ZC3H12B: variants seen among roughly 807,000 people sequenced by gnomAD.
ZC3H12B encodes probable ribonuclease ZC3H12B.
ZC3H12B carries 7 observed loss-of-function variants against 43.9 expected under a neutral mutation model. The ratio of observed to expected loss-of-function variants is 0.16; its 90% CI spans 0.09 to 0.30. ZC3H12B has a LOEUF of 0.30. ZC3H12B is among the 10% of genes least tolerant of loss of function. The probability of loss-of-function intolerance (pLI) is 1.00; values close to 1 mark genes in which losing one functional copy is unlikely to be tolerated. For synonymous variants in ZC3H12B, 222 were observed against 241.7 expected (o/e 0.92, Z 0.76); for missense variants, 475 against 670.2 (o/e 0.71, Z 3.22).
the ZC3H12B span, among the ~76,000 whole-genome samples, chrX:65,109,772 A>C: frequency 1.8e-5 from 2 of 111,718 alleles, no homozygotes; most frequent in African/African-American, 6.5e-5. Flanking sequence ...AGAAACTGTT[A>C]GACTGTTTTG....
chrX:65,232,731 G>T, the ZC3H12B span, among the ~76,000 whole-genome samples: 1 of 110,900 alleles, frequency 9.0e-6, no homozygotes, highest in Non-Finnish European at 1.9e-5. Flanking sequence ...GTGGTAGTAA[G>T]TCCTTACATA....
chrX:65,144,215 G>A, the ZC3H12B span, among the ~76,000 whole-genome samples: 1 of 110,904 alleles, frequency 9.0e-6, no homozygotes, highest in Non-Finnish European at 1.9e-5. Context: ...GATTCTTCCT[G>A]GTTTAAGCTA....
the ZC3H12B span, among the ~76,000 whole-genome samples, chrX:65,211,077 A>C: frequency 3.5e-5 from 3 of 85,136 alleles, no homozygotes; most frequent in African/African-American, 8.9e-5. Flanking sequence ...TAATAAAAAA[A>C]AAAAAAGAAA....
the ZC3H12B span, among the ~76,000 whole-genome samples, chrX:65,066,250 T>C: frequency 3.6e-5 from 4 of 111,593 alleles, no homozygotes; most frequent in Admixed American, 3.8e-4. Context: ...TTAGCATTTT[T>C]GCACTGGTTT....
At chrX:65,430,590 G>A (rs1274094734) in intron 3 of ZC3H12B, among the ~76,000 whole-genome samples, 4 of 100,673 alleles carry the variant, frequency 4.0e-5, no homozygotes, top group Middle Eastern at 5.0e-3. Flanking sequence ...GAGAACATGC[G>A]GTGTTTGGTT....
At chrX:65,317,758 T>TAC in the ZC3H12B span, among the ~76,000 whole-genome samples, 6 of 102,858 alleles carry the variant, frequency 5.8e-5, no homozygotes, top group East Asian at 9.1e-4. Flanking sequence ...TGTGTGTGTA[T>TAC]ACACACACAC....
the ZC3H12B span, among the ~76,000 whole-genome samples, chrX:65,138,722 C>CT: frequency 9.0e-5 from 10 of 111,198 alleles, no homozygotes; most frequent in South Asian, 1.5e-3. Flanking sequence ...CAAAGATTTC[C>CT]TTTTTTTTCT....
At chrX:65,182,751 AG>A in the ZC3H12B span, among the ~76,000 whole-genome samples, 2 of 111,497 alleles carry the variant, frequency 1.8e-5, no homozygotes, top group Admixed American at 1.9e-4. Flanking sequence ...CCTATTTAAA[AG>A]TTTGCAAATG....
the ZC3H12B span, among the ~76,000 whole-genome samples, chrX:65,215,695 A>G: frequency 2.7e-5 from 3 of 111,233 alleles, no homozygotes; most frequent in African/African-American, 9.8e-5. Flanking sequence ...ATTTATTTCA[A>G]TGTCTTTTGT....
At chrX:65,452,623 C>T (rs1209009832) in intron 3 of ZC3H12B, among the ~76,000 whole-genome samples, 3 of 111,443 alleles carry the variant, frequency 2.7e-5, no homozygotes, top group Non-Finnish European at 5.7e-5. Flanking sequence ...GGTGGATCAA[C>T]TGAGGTCAGG....
chrX:65,170,078 G>A, the ZC3H12B span, among the ~76,000 whole-genome samples: 1 of 111,862 alleles, frequency 8.9e-6, no homozygotes, highest in Admixed American at 9.5e-5. Context: ...CTGTCATTAT[G>A]ATGTTAGCTG....
rs1215963583 is a variant in ZC3H12B at position 65,373,897 on chromosome X, A to ATATATATATATATACAC, written n.295+4909_295+4910insTATACACTATATATATA. On this transcript the variant is annotated intron_variant and non_coding_transcript_variant, in intron 2 of 5. Transcript: ENST00000617377. Reference sequence around the variant, plus strand: ...ACCCTAGAACTTAAAGTATAGTAATATATATATATAGTTATATATATATAC... The same window carrying ATATATATATATATACAC: ...ACCCTAGAACTTAAAGTATAGTAATATATATATATATATACACTATATATATAGTTATATATATATAC... Among the ~76,000 whole-genome samples, 12 of 27,348 alleles carry ATATATATATATATACAC rather than the reference A, an allele frequency of 4.4e-4. 1 individual carries two copies. The highest frequency in any genetic ancestry group is 2.1e-3 in the African/African-American group (12 of 5,791). 23.7% of individuals were successfully genotyped at this position (27,348 alleles called of 115,157 possible).
the ZC3H12B span, among the ~76,000 whole-genome samples, chrX:65,281,938 C>G: frequency 1.8e-5 from 2 of 111,436 alleles, no homozygotes; most frequent in African/African-American, 3.3e-5. Flanking sequence ...ATCCCTAGGA[C>G]GCAAGGACGG....
chrX:65,152,320 T>C, the ZC3H12B span, among the ~76,000 whole-genome samples: 61 of 111,586 alleles, frequency 5.5e-4, no homozygotes, highest in African/African-American at 1.9e-3. Context: ...CATGATTGTA[T>C]ATCTAGAAAA....
chrX:65,443,959 G>A (rs1417628842), intron 3 of ZC3H12B, among the ~76,000 whole-genome samples: 2 of 112,038 alleles, frequency 1.8e-5, no homozygotes, highest in Non-Finnish European at 3.8e-5. Flanking sequence ...AATCTATTGA[G>A]CCACTCTATG....
chrX:65,407,431 C>G lies in ZC3H12B; in HGVS notation n.407+8727C>G, dbSNP rs1319160099. Among the ~76,000 whole-genome samples the G allele has an allele frequency of 2.7e-4, 30 of 113,088 alleles. No individual in the cohort carries two copies. The Admixed American group carries it at 2.7e-3, about 10-fold the overall frequency. On this transcript the variant is annotated intron_variant and non_coding_transcript_variant, in intron 3 of 5. Coordinates refer to the ZC3H12B transcript ENST00000617377. Reference sequence around the variant, plus strand: ...ACTTTCCCCGCCTAGTCATCCCTCGCTCCCCGGCCAGGAGCCTCCGCCGCG... The same window carrying G: ...ACTTTCCCCGCCTAGTCATCCCTCGGTCCCCGGCCAGGAGCCTCCGCCGCG...
chrX:65,224,779 A>G, the ZC3H12B span, among the ~76,000 whole-genome samples: 1 of 111,840 alleles, frequency 8.9e-6, no homozygotes, highest in African/African-American at 3.2e-5. Flanking sequence ...TTGCTAGCAC[A>G]ACAGTCTGAG....
At chrX:65,067,792 C>T in the ZC3H12B span, among the ~76,000 whole-genome samples, 22 of 109,241 alleles carry the variant, frequency 2.0e-4, no homozygotes, top group Admixed American at 9.7e-4. Flanking sequence ...ATTTGGTTTG[C>T]GCTTGCTTTT....
the ZC3H12B span, among the ~76,000 whole-genome samples, chrX:65,159,298 T>A: frequency 2.7e-5 from 3 of 112,160 alleles, no homozygotes; most frequent in Non-Finnish European, 5.6e-5. Context: ...TTTCCAATTC[T>A]GTGAAGAAAG....
Sources: allele counts gnomAD v4.1 joint callset (sites outside exome capture counted in the v4.1 genomes callset), GRCh38; gene constraint gnomAD v4.1.1; transcripts MANE v1.5; gene names NCBI Gene and HGNC (gene_info 2026-07-23, HGNC 2026-07-21).